EPB41L5: variants seen among roughly 807,000 people sequenced by gnomAD.
EPB41L5 encodes erythrocyte membrane protein band 4.1 like 5.
In EPB41L5, 55 loss-of-function variants were observed where a neutral mutation model predicts 106.6. That is an observed-to-expected ratio of 0.52 (90% confidence interval 0.42 to 0.65). The LOEUF (loss-of-function observed/expected upper bound fraction) is 0.65, where lower values mean the gene tolerates loss of function less well. Ranked by LOEUF, EPB41L5 falls within the 30% of genes least tolerant of loss-of-function variation. The pLI is 0.00. For synonymous variants in EPB41L5, 297 were observed against 306.7 expected, an observed-to-expected ratio of 0.97 and a Z score of 0.33; for missense variants, 871 against 882.1, an observed-to-expected ratio of 0.99 and a Z score of 0.16.
At chr2:120,080,108 CT>C (rs777004950) in intron 10 of EPB41L5, among the ~76,000 whole-genome samples, 2,941 of 142,732 alleles carry the variant, frequency 0.021, 66 homozygotes, top group Admixed American at 0.062. Context: ...AGTAGTATTT[CT>C]TTTTTTTTTT....
chr2:120,173,018 G>T (rs550382574), intron 24 of EPB41L5, among the ~76,000 whole-genome samples: 1 of 152,068 alleles, frequency 6.6e-6, no homozygotes, highest in Non-Finnish European at 1.5e-5. Context: ...GCTTAAGACC[G>T]GGAGTTCAAG....
intron 3 of EPB41L5, among the ~76,000 whole-genome samples, chr2:120,065,345 T>C (rs1429699369): frequency 2.6e-5 from 4 of 151,938 alleles, no homozygotes; most frequent in Admixed American, 2.6e-4. Context: ...GGTCTCAAAC[T>C]CCTGGCCTCA....
rs951216220 is a variant in EPB41L5, at chr2:120,130,789, C to T, written c.1502-829C>T. On this transcript the variant is annotated intron_variant, in intron 17 of 24. Coordinates refer to ENST00000263713, the MANE Select transcript of EPB41L5 (RefSeq NM_020909.4). ...GCTGATTGTTAACGTGTATCCGGGGCCTCCACTCAGTTAATTGATGGCCAC... is the reference window on the plus strand; with the variant it reads ...GCTGATTGTTAACGTGTATCCGGGGTCTCCACTCAGTTAATTGATGGCCAC... Among the ~76,000 whole-genome samples, 4 of 152,166 alleles carry T rather than the reference C, an allele frequency of 2.6e-5. No individual in the cohort carries two copies. The East Asian group carries it at 5.8e-4, about 22-fold the overall frequency.
chr2:120,056,009 A>G (rs770589310), intron 3 of EPB41L5, among the ~76,000 whole-genome samples: 4 of 152,136 alleles, frequency 2.6e-5, no homozygotes, highest in Non-Finnish European at 5.9e-5. Flanking sequence ...CACCCTTGAC[A>G]TATTCCTGAT....
intron 17 of EPB41L5, chr2:120,128,203 T>C (rs2105463812): frequency 6.4e-6 from 1 of 157,124 alleles, no homozygotes; most frequent in Admixed American, 6.4e-5. Flanking sequence ...TAATGAGGAT[T>C]ATTATTGCCT....
At chr2:120,104,379 TAATTG>T in intron 16 of EPB41L5, 1 of 1,393,170 alleles carries the variant, frequency 7.2e-7, no homozygotes, top group East Asian at 2.7e-5. Context: ...GTGCTGTTTG[TAATTG>T]AATTCTTCCA....
At chr2:120,112,806 G>C (rs1684781382) in intron 16 of EPB41L5, among the ~76,000 whole-genome samples, 1 of 152,220 alleles carries the variant, frequency 6.6e-6, no homozygotes, top group South Asian at 2.1e-4. Context: ...AGGTACAGCA[G>C]TAAGTATTCA....
chr2:120,141,641 T>C (rs921993052), intron 18 of EPB41L5, among the ~76,000 whole-genome samples: 5 of 152,120 alleles, frequency 3.3e-5, no homozygotes, highest in East Asian at 3.8e-4. Context: ...AAAAATGATA[T>C]AGAAAAGTGG....
intron 12 of EPB41L5, 141 bp from the exon 13 acceptor site, chr2:120,091,414 T>G: frequency 3.3e-6 from 2 of 608,084 alleles, no homozygotes; most frequent in Non-Finnish European, 5.9e-6. Flanking sequence ...AAGAGAGAGA[T>G]CGAGACTATT....
chr2:120,090,366 C>A lies in EPB41L5; in HGVS notation c.893C>A (p.Thr298Lys), dbSNP rs1176126796. 6.2e-7 allele frequency: 1 copy of A among 1,608,116 alleles called. No individual in the cohort carries two copies. Among genetic ancestry groups the A allele is most frequent in the Middle Eastern group, 1.7e-4 (1 of 6,014 alleles). ...DDDQGKEQEH[T>K]FVFRLDHPKA... ...TTTCAGGGCAAAGAACAGGAACATA[C>A]ATTTGTCTTTAGACTGGATCATCCA... The change falls in exon 12 of 25, where the codon ACA (threonine) becomes AAA (lysine). Residue 298 changes from threonine (T) to lysine (K), a missense_variant. Thr to Lys is a moderately conservative substitution (Grantham distance 78, BLOSUM62 -1). Transcript: ENST00000263713.
chr2:120,082,526 T>G (rs1025419310), intron 10 of EPB41L5, among the ~76,000 whole-genome samples: 4 of 152,164 alleles, frequency 2.6e-5, no homozygotes, highest in Admixed American at 1.3e-4. Flanking sequence ...TATTGAGGAT[T>G]TTTGCATCGA....
intron 16 of EPB41L5, among the ~76,000 whole-genome samples, chr2:120,120,392 A>G (rs1685157776): frequency 6.9e-6 from 1 of 145,642 alleles, no homozygotes; most frequent in Non-Finnish European, 1.5e-5. Flanking sequence ...AGATTGTGCC[A>G]CTGCACTCCA....
At chr2:120,070,956 C>T (rs1051547916) in intron 3 of EPB41L5, among the ~76,000 whole-genome samples, 1 of 152,178 alleles carries the variant, frequency 6.6e-6, no homozygotes, top group Admixed American at 6.5e-5. Flanking sequence ...CTCACCACTC[C>T]TATTCAGCAT....
intron 1 of EPB41L5, among the ~76,000 whole-genome samples, chr2:120,016,538 G>T (rs1359143229): frequency 6.6e-6 from 1 of 152,114 alleles, no homozygotes; most frequent in East Asian, 1.9e-4. Context: ...ACTATCTTGA[G>T]TCTTTAAATG....
intron 16 of EPB41L5, among the ~76,000 whole-genome samples, chr2:120,113,252 G>A (rs539917189): frequency 9.2e-5 from 14 of 152,220 alleles, no homozygotes; most frequent in Admixed American, 2.6e-4. Context: ...GTAAGTGCAC[G>A]CACACATGCA....
chr2:120,054,400 C>T (rs1680492388), intron 3 of EPB41L5, among the ~76,000 whole-genome samples: 1 of 152,118 alleles, frequency 6.6e-6, no homozygotes, highest in African/African-American at 2.4e-5. Flanking sequence ...GTGATGAAAT[C>T]CAGTTTACCT....
chr2:120,084,171 TGTTA>T (rs1682892872), intron 10 of EPB41L5, among the ~76,000 whole-genome samples: 1 of 152,212 alleles, frequency 6.6e-6, no homozygotes, highest in South Asian at 2.1e-4. Flanking sequence ...CATGCTGTGA[TGTTA>T]GCTGGTTATT....
intron 10 of EPB41L5, among the ~76,000 whole-genome samples, chr2:120,082,402 A>G (rs1682737164): frequency 6.6e-6 from 1 of 152,058 alleles, no homozygotes; most frequent in South Asian, 2.1e-4. Flanking sequence ...TATATGCTGG[A>G]TTACATTTAT....
intron 14 of EPB41L5, among the ~76,000 whole-genome samples, chr2:120,099,384 G>C (rs919481491): frequency 4.7e-5 from 7 of 148,320 alleles, no homozygotes; most frequent in Non-Finnish European, 6.0e-5. Context: ...TTTTTCAAGT[G>C]CTTTTTGTGG....
Sources: allele counts gnomAD v4.1 joint callset (sites outside exome capture counted in the v4.1 genomes callset), GRCh38; gene constraint gnomAD v4.1.1; transcripts MANE v1.5; gene names NCBI Gene and HGNC (gene_info 2026-07-23, HGNC 2026-07-21).